The following SLAIN1 variants were observed in gnomAD, a reference collection of about 807,000 sequenced individuals.
The protein encoded by SLAIN1 is SLAIN motif-containing protein 1.
SLAIN1 carries 17 observed loss-of-function variants against 55.4 expected under a neutral mutation model. That is an observed-to-expected ratio of 0.31 (90% CI 0.21 to 0.46). SLAIN1 has a LOEUF of 0.46. SLAIN1 is among the 20% of genes least tolerant of loss of function. The pLI is 1.00. For synonymous variants in SLAIN1, 348 were observed against 337.4 expected (o/e 1.03, Z -0.35); for missense variants, 682 against 785.1 (o/e 0.87, Z 1.57).
At chr13:77,713,035 C>G (rs933377287) in intron 1 of SLAIN1, among the ~76,000 whole-genome samples, 39 of 152,144 alleles carry the variant, frequency 2.6e-4, no homozygotes, top group Non-Finnish European at 5.4e-4. Flanking sequence ...AGACCCCTTC[C>G]TTACACCTTA....
intron 2 of SLAIN1, 73 bp downstream of exon 2, chr13:77,719,744 G>T: frequency 6.5e-7 from 1 of 1,529,688 alleles, no homozygotes. Context: ...GCTGGTTTTG[G>T]AATAAACATT....
chr13:77,715,099 C>G (rs2091193799), intron 1 of SLAIN1, among the ~76,000 whole-genome samples: 1 of 152,142 alleles, frequency 6.6e-6, no homozygotes, highest in African/African-American at 2.4e-5. Context: ...ATCTCCTGAC[C>G]TTGTGATTTG....
At position 77,698,369 on chromosome 13, in the gene SLAIN1, G is replaced by A. The variant is rs1263991161; in HGVS notation, c.456G>A (p.Pro152=). 1 of 1,434,330 alleles carries A rather than the reference G, an allele frequency of 7.0e-7. No homozygotes were observed. The highest frequency in any genetic ancestry group is 9.1e-7 in the Non-Finnish European group (1 of 1,094,458). The allele number at this position is 1,434,330 out of a possible 1,614,324, so 88.9% of individuals were successfully genotyped here. The part of the protein sequence containing the change: ...PPEAPFVYFK[P]AAGFFGAGGG... ...AGGCGCCCTTCGTCTACTTCAAGCC[G>A]GCAGCAGGCTTCTTCGGCGCGGGCG... Residue 152 remains proline (P), a synonymous_variant, in exon 1 of 7, where the codon CCG becomes CCA. Coordinates refer to ENST00000418532, the MANE Select transcript of SLAIN1 (RefSeq NM_001242868.2). This position sits in a 1 kb window ranked among gnomAD's most constrained non-coding sequence, Gnocchi z 4.1.
chr13:77,718,687 A>C (rs760720369), intron 1 of SLAIN1, among the ~76,000 whole-genome samples: 1 of 152,184 alleles, frequency 6.6e-6, no homozygotes, highest in Non-Finnish European at 1.5e-5. Flanking sequence ...AGCTTATAGT[A>C]GTAAGGTGTC....
rs199741764 is a variant in SLAIN1, at chr13:77,750,114, T to C, written c.1259-3089T>C. ...GATTCCATAGAATTTTCTCAGGAGA[T>C]CAATATGCATTTAAAGTGTCAAGAT... is the stretch of plus-strand genomic sequence containing the variant. On this transcript the variant is annotated intron_variant, in intron 4 of 6. Coordinates refer to ENST00000418532, the MANE Select transcript of SLAIN1 (RefSeq NM_001242868.2). Among the ~76,000 whole-genome samples, 5 of 152,318 alleles carry C rather than the reference T, an allele frequency of 3.3e-5. No individual in the cohort carries two copies. The East Asian group carries it at 9.6e-4, about 29-fold the overall frequency.
At chr13:77,754,487 G>C (rs1006996371) in intron 5 of SLAIN1, among the ~76,000 whole-genome samples, 1 of 152,214 alleles carries the variant, frequency 6.6e-6, no homozygotes, top group African/African-American at 2.4e-5. Flanking sequence ...TGGAAGAGCA[G>C]AGAGGCAGAC....
At chr13:77,717,331 A>G (rs1403223714) in intron 1 of SLAIN1, among the ~76,000 whole-genome samples, 1 of 152,124 alleles carries the variant, frequency 6.6e-6, no homozygotes, top group Non-Finnish European at 1.5e-5. Flanking sequence ...CTGCCCTAAT[A>G]GGATGTATTA....
chr13:77,761,045 A>T lies in SLAIN1; in HGVS notation c.1632A>T (p.Pro544=). 6.2e-7 allele frequency: 1 copy of T among 1,614,176 alleles called. No homozygotes were observed. The highest frequency in any genetic ancestry group is 8.5e-7 in the Non-Finnish European group (1 of 1,180,012). Residue 544 remains proline, a synonymous_variant, in exon 6 of 7, where the codon CCA becomes CCT. Coordinates refer to ENST00000418532, the MANE Select transcript of SLAIN1 (RefSeq NM_001242868.2). Reference sequence around the variant, plus strand: ...GGATAATGGGTCGCAGTGCACTCCCAAGACCTTCGTTGGCAATAAATGGGA... The same window carrying T: ...GGATAATGGGTCGCAGTGCACTCCCTAGACCTTCGTTGGCAATAAATGGGA... The part of the protein sequence containing the change: ...ASGIMGRSAL[P]RPSLAINGSN...
intron 4 of SLAIN1, among the ~76,000 whole-genome samples, chr13:77,751,487 G>T (rs541969139): frequency 6.6e-6 from 1 of 152,278 alleles, no homozygotes; most frequent in East Asian, 1.9e-4. Flanking sequence ...CTAATACACT[G>T]TGGTATCCCC....
Position 77,763,499 on chromosome 13 carries a change from G to C in SLAIN1, c.*279G>C, listed in dbSNP as rs1000594049. On this transcript the variant is annotated 3_prime_UTR_variant, in exon 7 of 7. Coordinates refer to ENST00000418532, the MANE Select transcript of SLAIN1 (RefSeq NM_001242868.2). ...TGCTCTGTACCTGAATACTTTTTGAGAGAATTAAGATGTATCAATAATGCT... is the reference window on the plus strand; with the variant it reads ...TGCTCTGTACCTGAATACTTTTTGACAGAATTAAGATGTATCAATAATGCT... The C allele has an allele frequency of 5.4e-6, 2 of 373,550 alleles. No individual in the cohort carries two copies. Among genetic ancestry groups the C allele is most frequent in the African/African-American group, 4.1e-5 (2 of 48,676 alleles). The allele number at this position is 373,550 out of a possible 1,614,324, so 23.1% of individuals were successfully genotyped here. A position where few individuals can be genotyped will look rare whatever the true frequency, so the allele number is the denominator to read the frequency against.
chr13:77,710,516 G>C (rs1844217158), intron 1 of SLAIN1, among the ~76,000 whole-genome samples: 1 of 152,168 alleles, frequency 6.6e-6, no homozygotes, highest in Non-Finnish European at 1.5e-5. Context: ...TAATGGTAAA[G>C]GGATCAGTGC....
At chr13:77,701,405 G>A (rs1427320707) in intron 1 of SLAIN1, among the ~76,000 whole-genome samples, 1 of 151,952 alleles carries the variant, frequency 6.6e-6, no homozygotes, top group Non-Finnish European at 1.5e-5. Flanking sequence ...TGTGTGTAAG[G>A]AAAATCATGA....
In SLAIN1 at chr13:77,744,084, G is replaced by A. The variant is rs901509336; in HGVS notation, c.767-199G>A. The A allele has an allele frequency of 3.1e-5, 18 of 577,952 alleles. No individual in the cohort carries two copies. The Admixed American group carries it at 5.0e-4, about 16-fold the overall frequency. The allele number at this position is 577,952 out of a possible 1,614,324, so 35.8% of individuals were successfully genotyped here. A position where few individuals can be genotyped will look rare whatever the true frequency, so the allele number is the denominator to read the frequency against. On this transcript the variant is annotated intron_variant, in intron 2 of 6. Coordinates refer to ENST00000418532, the MANE Select transcript of SLAIN1 (RefSeq NM_001242868.2). ...TTTTTAAATTGTGAAAATTCAATTTGAAAACAATGAACAAGTGGTTTTGTA... is the reference window on the plus strand; with the variant it reads ...TTTTTAAATTGTGAAAATTCAATTTAAAAACAATGAACAAGTGGTTTTGTA...
chr13:77,710,831 A>T (rs778892671), intron 1 of SLAIN1, among the ~76,000 whole-genome samples: 16 of 152,176 alleles, frequency 1.1e-4, no homozygotes, highest in Non-Finnish European at 2.4e-4. Flanking sequence ...TGACCACATA[A>T]TTGGAAGTAA....
At chr13:77,763,097 A>G in intron 6 of SLAIN1, 48 bp from the exon 7 acceptor site, 1 of 1,508,532 alleles carries the variant, frequency 6.6e-7, no homozygotes, top group South Asian at 1.1e-5. Context: ...GATGTGACTC[A>G]TAGGATTATT....
At chr13:77,711,878 C>T (rs561689104) in intron 1 of SLAIN1, among the ~76,000 whole-genome samples, 16 of 152,300 alleles carry the variant, frequency 1.1e-4, no homozygotes, top group African/African-American at 3.1e-4. Context: ...TTATCCACCA[C>T]GGTCAAGTCG....
chr13:77,701,689 GT>G (rs1259288335), intron 1 of SLAIN1, among the ~76,000 whole-genome samples: 10 of 152,220 alleles, frequency 6.6e-5, no homozygotes, highest in African/African-American at 2.4e-4. Flanking sequence ...CTGGAATTAA[GT>G]GTCTCAGAAA....
intron 6 of SLAIN1, among the ~76,000 whole-genome samples, chr13:77,761,560 A>T (rs537676616): frequency 6.6e-6 from 1 of 152,298 alleles, no homozygotes; most frequent in South Asian, 2.1e-4. Flanking sequence ...GTAGGATCTC[A>T]AATATTTGTT....
chr13:77,698,164 C>T lies in SLAIN1; in HGVS notation c.251C>T (p.Pro84Leu), dbSNP rs1422781731. Residue 84 changes from proline to leucine, a missense_variant, in exon 1 of 7, where the codon CCG becomes CTG. By Grantham distance (98) the Pro-to-Leu change is moderately conservative. This residue lies in a region of SLAIN1 where 401 missense variants were observed against 417.3 expected (regional missense o/e 0.96). Coordinates refer to ENST00000418532, the MANE Select transcript of SLAIN1 (RefSeq NM_001242868.2). This position sits in a 1 kb window ranked among gnomAD's most constrained non-coding sequence, Gnocchi z 4.1. ...CAGCCTTTGGGTCCTCGGAGCCCCC[C>T]GGCCGCCACGGCCACCGCCGCGGCC... is the stretch of plus-strand genomic sequence containing the variant. Reference protein sequence around the residue: ...GLQPLGPRSPPAATATAAASG... With the variant: ...GLQPLGPRSPLAATATAAASG... The T allele has an allele frequency of 3.4e-6, 4 of 1,165,278 alleles. No individual in the cohort carries two copies. The highest frequency in any genetic ancestry group is 3.2e-6 in the Non-Finnish European group (3 of 944,984). The allele number at this position is 1,165,278 out of a possible 1,614,324, so 72.2% of individuals were successfully genotyped here. A position where few individuals can be genotyped will look rare whatever the true frequency, so the allele number is the denominator to read the frequency against.
Sources: allele counts gnomAD v4.1 joint callset (sites outside exome capture counted in the v4.1 genomes callset), GRCh38; gene constraint gnomAD v4.1.1; regional missense constraint gnomAD v4.1.1; non-coding constraint Gnocchi (gnomAD v3.1); transcripts MANE v1.5; gene names NCBI Gene and HGNC (gene_info 2026-07-23, HGNC 2026-07-21).